Variants in FAM149A observed in about 807,000 individuals in gnomAD.
FAM149A encodes the protein family with sequence similarity 149 member A, also known as protein FAM149A.
Under a neutral mutation model 78.2 loss-of-function variants are expected in FAM149A, and 71 were observed. The ratio of observed to expected loss-of-function variants is 0.91; its 90% confidence interval spans 0.75 to 1.11. The LOEUF (loss-of-function observed/expected upper bound fraction) is 1.11, where lower values mean the gene tolerates loss of function less well. FAM149A is among the 50% of genes least tolerant of loss of function. FAM149A has a pLI of 0.00. For missense variants in FAM149A, 1,036 were observed against 971.0 expected (o/e 1.07, Z -0.89); for synonymous variants, 446 against 410.5 (o/e 1.09, Z -1.04).
intron 7 of FAM149A, 134 bp from the exon 8 acceptor site, chr4:186,157,431 G>T: frequency 1.2e-6 from 1 of 847,268 alleles, no homozygotes; most frequent in Non-Finnish European, 1.8e-6. Flanking sequence ...TGCCCTCCGT[G>T]GTAACATGTG....
intron 8 of FAM149A, among the ~76,000 whole-genome samples, chr4:186,160,497 AAC>A (rs1256740634): frequency 6.8e-6 from 1 of 148,062 alleles, no homozygotes; most frequent in Non-Finnish European, 1.5e-5. Context: ...ACACTATACA[AAC>A]ACATACCAAA....
chr4:186,145,261 C>G (rs1258280518), intron 1 of FAM149A: 1 of 609,680 alleles, frequency 1.6e-6, no homozygotes, highest in East Asian at 1.4e-4. Flanking sequence ...ATGGCTCACG[C>G]GGGGAAGCGT....
intron 1 of FAM149A, among the ~76,000 whole-genome samples, chr4:186,143,149 C>CTTTTTTTTTTTTTTTTTTTTTTTTTTTAT: frequency 1.2e-5 from 1 of 85,038 alleles, no homozygotes; most frequent in Non-Finnish European, 2.4e-5. Flanking sequence ...TCGATTTTTA[C>CTTTTTTTTTTTTTTTTTTTTTTTTTTTAT]TTTTTTTTTT....
At chr4:186,150,421 T>C (rs1331405791) in intron 3 of FAM149A, among the ~76,000 whole-genome samples, 1 of 121,888 alleles carries the variant, frequency 8.2e-6, no homozygotes, top group Non-Finnish European at 1.7e-5. Flanking sequence ...CTCTTTTTTT[T>C]TTTTTTTTTT....
intron 1 of FAM149A, chr4:186,130,211 G>C (rs10014489): frequency 0.51 from 75,043 of 146,868 alleles, 19,137 homozygotes; most frequent in East Asian, 0.63. Context: ...ACTTGTAAAC[G>C]GTGCAAAACC....
At chr4:186,110,324 G>T in intron 1 of FAM149A, 1 of 980,958 alleles carries the variant, frequency 1.0e-6, no homozygotes, top group Non-Finnish European at 1.2e-6. Flanking sequence ...AATGCTTGCT[G>T]CTGGGACTTA....
intron 1 of FAM149A, chr4:186,117,334 C>G (rs2099314167): frequency 1.6e-6 from 1 of 638,188 alleles, no homozygotes; most frequent in South Asian, 7.0e-5. Flanking sequence ...CCACATGGAG[C>G]TAGATTTTTG....
At chr4:186,110,106 T>C in intron 1 of FAM149A, 3 of 985,460 alleles carry the variant, frequency 3.0e-6, no homozygotes, top group Non-Finnish European at 3.6e-6. Flanking sequence ...CTCTTTGTCC[T>C]GTGACACTTA....
chr4:186,150,387 T>C (rs980480580), intron 3 of FAM149A, among the ~76,000 whole-genome samples: 3 of 39,426 alleles, frequency 7.6e-5, no homozygotes, highest in African/African-American at 2.9e-4. Flanking sequence ...GTTTTTTGCT[T>C]GCTTGCTTTC....
rs116531734 is a variant in FAM149A at position 186,109,965 on chromosome 4, T to C, written c.566+4323T>C. The C allele has an allele frequency of 8.4e-4, 832 of 985,460 alleles. 3 individuals carry two copies. The African/African-American group carries it at 0.013, about 16-fold the overall frequency. The allele number at this position is 985,460 out of a possible 1,614,324, so 61.0% of individuals were successfully genotyped here. A position where few individuals can be genotyped will look rare whatever the true frequency, so the allele number is the denominator to read the frequency against. ...CCAGAAGGAAATGCATTTACCACTC[T>C]GGGATCAAACTTTTAATCTGCAGAA... On this transcript the variant is annotated intron_variant, in intron 1 of 13. Coordinates refer to ENST00000389354, the MANE Select transcript of FAM149A (RefSeq NM_001367768.3).
chr4:186,128,097 TCTC>T (rs1210376256), intron 1 of FAM149A, among the ~76,000 whole-genome samples: 3 of 144,332 alleles, frequency 2.1e-5, no homozygotes, highest in African/African-American at 7.7e-5. Flanking sequence ...TTCAAGCAAT[TCTC>T]CTGCCTCAGC....
At chr4:186,162,810 CTTTTTTTTTT>C (rs56973296) in intron 8 of FAM149A, 25 bp from the exon 9 acceptor site, 2 of 563,104 alleles carry the variant, frequency 3.6e-6, no homozygotes, top group East Asian at 3.6e-5. Flanking sequence ...ATTTGTAATT[CTTTTTTTTTT>C]TTTTTTTTTT....
intron 1 of FAM149A, among the ~76,000 whole-genome samples, chr4:186,119,522 T>TA (rs1432024896): frequency 6.6e-6 from 1 of 152,224 alleles, no homozygotes; most frequent in African/African-American, 2.4e-5. Context: ...AAGAGGTTAT[T>TA]AAGGCAAAGT....
chr4:186,130,289 C>CTATATATATATATA (rs1257437565), intron 1 of FAM149A: 9 of 36,902 alleles, frequency 2.4e-4, no homozygotes, highest in Non-Finnish European at 3.7e-4. Context: ...CTCTCTCTCT[C>CTATATATATATATA]TCTCTATATA....
chr4:186,106,946 C>T (rs1350267092), intron 1 of FAM149A, among the ~76,000 whole-genome samples: 2 of 151,916 alleles, frequency 1.3e-5, no homozygotes, highest in South Asian at 2.1e-4. Context: ...AGAGAGACTC[C>T]GTCTCAAAAA....
At chr4:186,126,769 G>A (rs76200381) in intron 1 of FAM149A, 12,615 of 570,904 alleles carry the variant, frequency 0.022, 302 homozygotes, top group African/African-American at 0.082. Context: ...CAGATGATGC[G>A]ACTTCTTAGC....
At chr4:186,146,793 C>T in intron 1 of FAM149A, 1 of 985,196 alleles carries the variant, frequency 1.0e-6, no homozygotes, top group African/African-American at 1.7e-5. Context: ...GGAATATTTT[C>T]ATGTCAGGTC....
In FAM149A at chr4:186,151,806, A is replaced by G. The variant is rs1036856331; in HGVS notation, c.790-97A>G. 1.3e-5 allele frequency: 20 copies of G among 1,518,330 alleles called. No homozygotes were observed. In the South Asian group the frequency reaches 2.3e-4, roughly 17 times the overall value. 94.1% of individuals were successfully genotyped at this position (1,518,330 alleles called of 1,614,324 possible). A position where few individuals can be genotyped will look rare whatever the true frequency, so the allele number is the denominator to read the frequency against. On this transcript the variant is annotated intron_variant, in intron 3 of 13. Transcript: ENST00000389354. The stretch of plus-strand genomic sequence containing the variant: ...TTTTTACCAAGTGATGCACCCTCCT[A>G]CATAGTGGGTGACAGTAAATGTATA...
Position 186,164,381 on chromosome 4 carries a change from A to T in FAM149A, c.1889+748A>T, listed in dbSNP as rs1734850378. 2 of 763,948 alleles carry T rather than the reference A, an allele frequency of 2.6e-6. No individual in the cohort carries two copies. The highest frequency in any genetic ancestry group is 3.8e-5 in the African/African-American group (2 of 52,652). 47.3% of individuals were successfully genotyped at this position (763,948 alleles called of 1,614,324 possible). A position where few individuals can be genotyped will look rare whatever the true frequency, so the allele number is the denominator to read the frequency against. ...GCCGGACACACCCACAAGTGCTCTC[A>T]GGCTTTAGAGACCACCCACTGGACC... On this transcript the variant is annotated intron_variant, in intron 10 of 13. Transcript: ENST00000389354. This position sits in a 1 kb window ranked among gnomAD's most constrained non-coding sequence, Gnocchi z 4.0.
Sources: gnomAD v4.1 joint callset for allele counts (sites outside exome capture counted in the v4.1 genomes callset) on GRCh38, gnomAD v4.1.1 for gene constraint, Gnocchi (gnomAD v3.1) non-coding constraint, MANE v1.5 for transcripts, NCBI Gene and HGNC (gene_info 2026-07-23, HGNC 2026-07-21) for gene names.